LDLRAD3: variants seen among roughly 807,000 people sequenced by gnomAD.
The protein encoded by LDLRAD3 is low density lipoprotein receptor class A domain containing 3, also known as low-density lipoprotein receptor class A domain-containing protein 3.
Under a neutral mutation model 29.4 loss-of-function variants are expected in LDLRAD3, and 20 were observed. The observed-to-expected ratio is 0.68, with a 90% confidence interval of 0.48 to 0.99. The LOEUF is 0.99. LDLRAD3 is among the 50% of genes least tolerant of loss of function. The pLI, the probability that LDLRAD3 is intolerant of heterozygous loss-of-function variation, is 0.00. For missense variants in LDLRAD3, 420 were observed against 454.3 expected, an observed-to-expected ratio of 0.92 and a Z score of 0.69; for synonymous variants, 157 against 192.7, an observed-to-expected ratio of 0.81 and a Z score of 1.53.
chr11:36,010,375 A>G (rs936343034), intron 1 of LDLRAD3, among the ~76,000 whole-genome samples: 1 of 152,214 alleles, frequency 6.6e-6, no homozygotes, highest in African/African-American at 2.4e-5. Flanking sequence ...TTATTAGAAG[A>G]AGAATATATT....
At chr11:36,065,414 G>C (rs1384520332) in intron 2 of LDLRAD3, among the ~76,000 whole-genome samples, 1 of 152,070 alleles carries the variant, frequency 6.6e-6, no homozygotes, top group African/African-American at 2.4e-5. Context: ...TGCTTTTTTG[G>C]ATAAGTTAGA....
intron 1 of LDLRAD3, among the ~76,000 whole-genome samples, chr11:35,988,429 G>T (rs1040240136): frequency 6.6e-6 from 1 of 152,044 alleles, no homozygotes; most frequent in Non-Finnish European, 1.5e-5. Context: ...TTTGATTTTT[G>T]CTTTTCGAAT....
At chr11:36,166,684 G>A (rs1590324925) in intron 4 of LDLRAD3, among the ~76,000 whole-genome samples, 3 of 152,208 alleles carry the variant, frequency 2.0e-5, no homozygotes, top group South Asian at 2.1e-4. Flanking sequence ...TAGACTTCAA[G>A]CCTTTTATTA....
chr11:35,949,141 A>G (rs1226597610), intron 1 of LDLRAD3, among the ~76,000 whole-genome samples: 1 of 152,140 alleles, frequency 6.6e-6, no homozygotes, highest in Non-Finnish European at 1.5e-5. Flanking sequence ...TTGTAGCCAC[A>G]CAGTTCCATG....
intron 1 of LDLRAD3, among the ~76,000 whole-genome samples, chr11:35,981,770 C>T (rs973198020): frequency 4.6e-5 from 7 of 152,150 alleles, no homozygotes; most frequent in African/African-American, 1.4e-4. Context: ...CTTTAGCTTT[C>T]GACAGGAACC....
intron 4 of LDLRAD3, among the ~76,000 whole-genome samples, chr11:36,132,733 A>C (rs1853944169): frequency 6.6e-6 from 1 of 152,210 alleles, no homozygotes; most frequent in Non-Finnish European, 1.5e-5. Flanking sequence ...AGGACCTTAC[A>C]TAGTGCTTGT....
chr11:36,164,591 G>A (rs535910148), intron 4 of LDLRAD3, among the ~76,000 whole-genome samples: 7 of 152,358 alleles, frequency 4.6e-5, no homozygotes, highest in East Asian at 1.9e-4. Flanking sequence ...CTGTCCATCC[G>A]TGTGTCTGTT....
Position 36,169,113 on chromosome 11 carries a change from G to C in LDLRAD3, c.455-57972G>C, listed in dbSNP as rs562797510. 2.6e-5 allele frequency among the ~76,000 whole-genome samples: 4 copies of C among 152,274 alleles called. No homozygotes were observed. The East Asian group carries it at 7.7e-4, about 29-fold the overall frequency. ...GTTGTGGAGCATTAGCTGGACCCCT[G>C]CTCCTCCTGGGGCAAAACAAATCCT... On this transcript the variant is annotated intron_variant, in intron 4 of 5. Coordinates refer to ENST00000315571, the MANE Select transcript of LDLRAD3 (RefSeq NM_174902.4).
intron 4 of LDLRAD3, among the ~76,000 whole-genome samples, chr11:36,145,412 C>A (rs1289718037): frequency 2.8e-5 from 3 of 108,270 alleles, no homozygotes; most frequent in South Asian, 3.2e-4. Flanking sequence ...CAGCCAGCCA[C>A]CCCATCCGGG....
At chr11:35,946,022 T>C (rs1363459177) in intron 1 of LDLRAD3, among the ~76,000 whole-genome samples, 1 of 152,214 alleles carries the variant, frequency 6.6e-6, no homozygotes, top group Admixed American at 6.5e-5. Context: ...TAGAAACATC[T>C]AGGCAGGTTG....
chr11:36,003,389 T>C (rs1433737136), intron 1 of LDLRAD3, among the ~76,000 whole-genome samples: 1 of 152,216 alleles, frequency 6.6e-6, no homozygotes, highest in African/African-American at 2.4e-5. Context: ...CAGCCTTTCC[T>C]GTTGAAGCCT....
chr11:36,229,344 G>A lies in LDLRAD3; in HGVS notation c.985G>A (p.Gly329Ser), dbSNP rs140022994. ...HSPGQPGPQE[G>S]TAEPRDSEPS... ...CCCGGGGCAGCCTGGCCCCCAGGAG[G>A]GCACTGCTGAGCCCAGGGACTCTGA... Residue 329 changes from glycine to serine, a missense_variant, in exon 6 of 6, where the codon GGC becomes AGC. Transcript: ENST00000315571. 4.3e-4 allele frequency: 692 copies of A among 1,614,058 alleles called. 5 individuals carry two copies. In the African/African-American group the frequency reaches 8.2e-3, roughly 19 times the overall value.
chr11:36,083,735 TACACACACACACAC>T lies in LDLRAD3; in HGVS notation c.319+1990_319+2003del, dbSNP rs59333454. On this transcript the variant is annotated intron_variant, in intron 3 of 5. Coordinates refer to ENST00000315571, the MANE Select transcript of LDLRAD3 (RefSeq NM_174902.4). ...GGATCTTATAATCTAAGGGAGAAATTACACACACACACACACACACACACACACACACACACACA... is the reference window on the plus strand; with the variant it reads ...GGATCTTATAATCTAAGGGAGAAATTACACACACACACACACACACACACA... Among the ~76,000 whole-genome samples, 214 of 126,824 alleles carry T rather than the reference TACACACACACACAC, an allele frequency of 1.7e-3. 1 individual carries two copies. Among genetic ancestry groups the T allele is most frequent in the South Asian group, 3.5e-3 (12 of 3,454 alleles). The allele number at this position is 126,824 out of a possible 152,430, so 83.2% of individuals were successfully genotyped here.
chr11:36,005,926 A>G (rs1035874322), intron 1 of LDLRAD3, among the ~76,000 whole-genome samples: 1 of 152,172 alleles, frequency 6.6e-6, no homozygotes, highest in Non-Finnish European at 1.5e-5. Flanking sequence ...AGAACTTGCT[A>G]TCACGAGAGC....
At chr11:36,075,118 C>T (rs1055935916) in intron 2 of LDLRAD3, among the ~76,000 whole-genome samples, 3 of 152,100 alleles carry the variant, frequency 2.0e-5, no homozygotes, top group African/African-American at 7.2e-5. Flanking sequence ...ACCGAGAATG[C>T]CTGTGTGACC....
intron 4 of LDLRAD3, among the ~76,000 whole-genome samples, chr11:36,106,736 C>T (rs1853534431): frequency 1.3e-5 from 2 of 152,220 alleles, no homozygotes. Context: ...TCACACGCTC[C>T]ACCTACCCCA....
At chr11:36,045,542 T>C (rs1852436871) in intron 2 of LDLRAD3, among the ~76,000 whole-genome samples, 2 of 152,182 alleles carry the variant, frequency 1.3e-5, no homozygotes, top group South Asian at 4.1e-4. Context: ...TGATATACTT[T>C]GGCCACTGAT....
intron 1 of LDLRAD3, among the ~76,000 whole-genome samples, chr11:36,020,276 A>G (rs1852079578): frequency 6.6e-6 from 1 of 152,192 alleles, no homozygotes; most frequent in African/African-American, 2.4e-5. Context: ...AATAAAAAAT[A>G]ATATGAATAA....
chr11:36,126,371 G>C (rs560070251), intron 4 of LDLRAD3, among the ~76,000 whole-genome samples: 1 of 152,060 alleles, frequency 6.6e-6, no homozygotes, highest in Non-Finnish European at 1.5e-5. Flanking sequence ...CCAAGAGCAG[G>C]GTTTCTTTTA....
Sources: allele counts gnomAD v4.1 joint callset (sites outside exome capture counted in the v4.1 genomes callset), GRCh38; gene constraint gnomAD v4.1.1; transcripts MANE v1.5; gene names NCBI Gene and HGNC (gene_info 2026-07-23, HGNC 2026-07-21).